The following KLF13 variants were observed in gnomAD, a reference collection of about 807,000 sequenced individuals.
KLF13 encodes the protein Krueppel-like factor 13.
A neutral mutation model predicts 16.7 loss-of-function variants in KLF13; 8 were observed. The observed-to-expected ratio is 0.48, with a 90% confidence interval of 0.28 to 0.87. The LOEUF (loss-of-function observed/expected upper bound fraction) is 0.87. KLF13 is among the 40% of genes least tolerant of loss of function. The pLI is 0.10. For missense variants in KLF13, 447 were observed against 452.2 expected (o/e 0.99, Z 0.10); for synonymous variants, 245 against 208.4 (o/e 1.18, Z -1.51).
intron 1 of KLF13, among the ~76,000 whole-genome samples, chr15:31,415,898 T>A (rs978155283): frequency 6.6e-6 from 1 of 152,024 alleles, no homozygotes; most frequent in African/African-American, 2.4e-5. Context: ...GATAAATATT[T>A]AATTTTTAGG....
chr15:31,350,190 C>G (rs1169592997), intron 1 of KLF13, among the ~76,000 whole-genome samples: 1 of 152,216 alleles, frequency 6.6e-6, no homozygotes, highest in Non-Finnish European at 1.5e-5. Context: ...CCAGGGTCTG[C>G]CGCAGTTATG....
At chr15:31,417,012 G>A (rs1184184351) in intron 1 of KLF13, among the ~76,000 whole-genome samples, 3 of 152,098 alleles carry the variant, frequency 2.0e-5, no homozygotes, top group Admixed American at 6.6e-5. Flanking sequence ...AGTAATTATC[G>A]TGATTAGTTA....
intron 1 of KLF13, among the ~76,000 whole-genome samples, chr15:31,348,260 G>A (rs539490254): frequency 1.3e-5 from 2 of 152,034 alleles, no homozygotes; most frequent in Non-Finnish European, 2.9e-5. Context: ...GAGCACAGGC[G>A]CCCCTCTTCA....
intron 1 of KLF13, among the ~76,000 whole-genome samples, chr15:31,347,375 G>A (rs1207744087): frequency 6.6e-6 from 1 of 152,176 alleles, no homozygotes; most frequent in Non-Finnish European, 1.5e-5. Context: ...GGGATGGGCA[G>A]TGGAGACTGG....
chr15:31,420,958 G>C (rs550292456), intron 1 of KLF13, among the ~76,000 whole-genome samples: 1 of 152,276 alleles, frequency 6.6e-6, no homozygotes, highest in South Asian at 2.1e-4. Context: ...CTCCCAAAGT[G>C]TTGGGATTAC....
At chr15:31,388,108 G>C (rs1045839699), upstream of KLF13, among the ~76,000 whole-genome samples, 9 of 152,182 alleles carry the variant, frequency 5.9e-5, no homozygotes, top group Non-Finnish European at 7.3e-5. Context: ...ATCTGTCCTG[G>C]TACCTGGAAG....
intron 1 of KLF13, among the ~76,000 whole-genome samples, chr15:31,413,203 C>CAAAAAAAAAA (rs1341640127): frequency 7.7e-6 from 1 of 130,238 alleles, no homozygotes; most frequent in Non-Finnish European, 1.6e-5. Flanking sequence ...AAAAAAAAAA[C>CAAAAAAAAAA]AAAAAACAAA....
At chr15:31,360,104 G>A (rs1030633410) in intron 1 of KLF13, among the ~76,000 whole-genome samples, 1 of 152,222 alleles carries the variant, frequency 6.6e-6, no homozygotes, top group Non-Finnish European at 1.5e-5. Context: ...AGCTTCTGGG[G>A]GCCTGGCCGT....
chr15:31,423,693 C>G (rs1430443653), intron 1 of KLF13, among the ~76,000 whole-genome samples: 1 of 152,134 alleles, frequency 6.6e-6, no homozygotes, highest in African/African-American at 2.4e-5. Flanking sequence ...ATACAGAATA[C>G]TCTAAGAACT....
downstream of KLF13, among the ~76,000 whole-genome samples, chr15:31,379,458 C>T (rs2039697209): frequency 6.6e-6 from 1 of 151,810 alleles, no homozygotes; most frequent in Non-Finnish European, 1.5e-5. Context: ...AAAAAAAAAG[C>T]CTGTCAGTTA....
intron 1 of KLF13, among the ~76,000 whole-genome samples, chr15:31,334,787 G>A (rs539194466): frequency 1.3e-5 from 2 of 152,122 alleles, no homozygotes; most frequent in Non-Finnish European, 1.5e-5. Context: ...ACTTCCTGTC[G>A]AGATGGGAAT....
In KLF13 at chr15:31,354,570, T is replaced by G. The variant is rs552827834; in HGVS notation, c.578-17440T>G. Among the ~76,000 whole-genome samples, 10 of 152,242 alleles carry G rather than the reference T, an allele frequency of 6.6e-5. No individual in the cohort carries two copies. The South Asian group carries it at 2.1e-3, about 32-fold the overall frequency. On this transcript the variant is annotated intron_variant, in intron 1 of 1. Transcript: ENST00000307145. Reference sequence around the variant, plus strand: ...TAATTTTTTGTATTTTTAGTAGAGATGGGGTTTCACCGAAATGTTGGCCGG... The same window carrying G: ...TAATTTTTTGTATTTTTAGTAGAGAGGGGGTTTCACCGAAATGTTGGCCGG...
intron 1 of KLF13, among the ~76,000 whole-genome samples, chr15:31,336,079 C>T (rs2038925532): frequency 6.6e-6 from 1 of 152,218 alleles, no homozygotes; most frequent in South Asian, 2.1e-4. Flanking sequence ...ACGAGCTTCT[C>T]CCCCGACCCC....
upstream of KLF13, among the ~76,000 whole-genome samples, chr15:31,389,172 CT>C (rs2039830771): frequency 6.6e-6 from 1 of 152,084 alleles, no homozygotes; most frequent in Admixed American, 6.6e-5. Flanking sequence ...GAACGAACAC[CT>C]TTATAATGAT....
At chr15:31,420,197 G>C (rs1183214185) in intron 1 of KLF13, 2 of 598,442 alleles carry the variant, frequency 3.3e-6, no homozygotes, top group Non-Finnish European at 6.4e-6. Flanking sequence ...CGAGCTGAGT[G>C]GGGGTGCTGC....
chr15:31,388,777 A>C (rs868791900), upstream of KLF13, among the ~76,000 whole-genome samples: 1,818 of 150,526 alleles, frequency 0.012, 27 homozygotes, highest in African/African-American at 0.034. Context: ...AAAAAAAAAA[A>C]AAAAAAAAAC....
downstream of KLF13, among the ~76,000 whole-genome samples, chr15:31,379,443 A>G (rs1403228442): frequency 6.6e-6 from 1 of 151,504 alleles, no homozygotes; most frequent in Non-Finnish European, 1.5e-5. Context: ...AAATATTGAC[A>G]GGAAAAAAAA....
intron 1 of KLF13, among the ~76,000 whole-genome samples, chr15:31,386,548 G>A (rs988700588): frequency 6.6e-6 from 1 of 152,298 alleles, no homozygotes; most frequent in Admixed American, 6.5e-5. Flanking sequence ...CAACATAAAA[G>A]TGCAAGATGA....
chr15:31,391,721 G>A (rs1479956858), upstream of KLF13, among the ~76,000 whole-genome samples: 3 of 150,880 alleles, frequency 2.0e-5, 1 homozygote, highest in African/African-American at 7.3e-5. Context: ...GGGGCTGTGG[G>A]GGGCTGTGTG....
Sources: allele counts gnomAD v4.1 joint callset (sites outside exome capture counted in the v4.1 genomes callset), GRCh38; gene constraint gnomAD v4.1.1; transcripts MANE v1.5; gene names NCBI Gene and HGNC (gene_info 2026-07-23, HGNC 2026-07-21).